Variants in PHF6 observed in about 807,000 individuals in gnomAD.
PHF6 encodes PHD-like zinc finger protein.
In PHF6, 7 loss-of-function variants were observed where a neutral mutation model predicts 34.0. The ratio of observed to expected loss-of-function variants is 0.21; its 90% confidence interval spans 0.12 to 0.39. The LOEUF is 0.39. Among genes scored for constraint, PHF6 ranks in the 10% least tolerant of loss-of-function variants. The probability of loss-of-function intolerance (pLI) is 1.00; values close to 1 mark genes in which losing one functional copy is unlikely to be tolerated. For missense variants in PHF6, 128 were observed against 262.8 expected (o/e 0.49, Z 3.55); for synonymous variants, 89 against 88.4 (o/e 1.01, Z -0.04).
chrX:134,374,948 T>A, intron 1 of PHF6, among the ~76,000 whole-genome samples: 1 of 112,124 alleles, frequency 8.9e-6, no homozygotes, highest in Non-Finnish European at 1.9e-5. Context: ...AGACTAAAAT[T>A]AAAATGCCAT....
intron 1 of PHF6, among the ~76,000 whole-genome samples, chrX:134,375,540 T>C (rs2077274866): frequency 8.9e-6 from 1 of 111,864 alleles, no homozygotes; most frequent in Non-Finnish European, 1.9e-5. Flanking sequence ...GCCAGCTTTA[T>C]AGCCAGTGCT....
At chrX:134,374,539 G>A (rs2077270530) in intron 1 of PHF6, among the ~76,000 whole-genome samples, 1 of 112,313 alleles carries the variant, frequency 8.9e-6, no homozygotes, top group Admixed American at 9.4e-5. Context: ...GTTTTGATTT[G>A]TATATTTCAG....
chrX:134,374,445 C>A (rs1009741228), intron 1 of PHF6, among the ~76,000 whole-genome samples: 1 of 112,016 alleles, frequency 8.9e-6, no homozygotes, highest in Non-Finnish European at 1.9e-5. Context: ...GGTGCCCTTC[C>A]GGTACATCTT....
At chrX:134,380,424 G>A (rs990975696) in intron 3 of PHF6, among the ~76,000 whole-genome samples, 1 of 111,088 alleles carries the variant, frequency 9.0e-6, no homozygotes, top group African/African-American at 3.3e-5. Context: ...GTGAGCCACC[G>A]CGCCCGGCCT....
intron 5 of PHF6, among the ~76,000 whole-genome samples, chrX:134,405,075 A>C (rs2077417313): frequency 9.0e-6 from 1 of 111,199 alleles, no homozygotes; most frequent in Non-Finnish European, 1.9e-5. Flanking sequence ...TTAAACTTCC[A>C]CCTGCTTTTA....
chrX:134,376,825 G>T (rs1393085617), intron 1 of PHF6, among the ~76,000 whole-genome samples: 1 of 111,592 alleles, frequency 9.0e-6, no homozygotes, highest in Non-Finnish European at 1.9e-5. Context: ...GAATAGAATA[G>T]CAAAAATTAA....
At chrX:134,401,596 T>A (rs2077402887) in intron 5 of PHF6, among the ~76,000 whole-genome samples, 1 of 111,897 alleles carries the variant, frequency 8.9e-6, no homozygotes, top group African/African-American at 3.3e-5. Context: ...AAAATATTAT[T>A]TTTAGAATCT....
intron 9 of PHF6, chrX:134,419,222 A>G (rs2077482711): frequency 9.0e-6 from 1 of 111,244 alleles, no homozygotes; most frequent in African/African-American, 3.3e-5. Flanking sequence ...CTGTATTCTA[A>G]GAATTGAAAG....
At chrX:134,398,726 A>G (rs1443253770) in intron 5 of PHF6, among the ~76,000 whole-genome samples, 1 of 111,864 alleles carries the variant, frequency 8.9e-6, no homozygotes, top group African/African-American at 3.3e-5. Context: ...CAAATGGGTG[A>G]CGGAGGGTGC....
At chrX:134,410,150 A>G (rs891541005) in intron 5 of PHF6, among the ~76,000 whole-genome samples, 1 of 111,724 alleles carries the variant, frequency 9.0e-6, no homozygotes, top group African/African-American at 3.3e-5. Flanking sequence ...TTTTGAATAT[A>G]TACCCAGTAA....
At chrX:134,400,142 A>G (rs757145716) in intron 5 of PHF6, among the ~76,000 whole-genome samples, 1 of 111,512 alleles carries the variant, frequency 9.0e-6, no homozygotes, top group African/African-American at 3.3e-5. Flanking sequence ...CCAGTGGCTC[A>G]ATCACGGCTT....
rs1407402386 is a variant in PHF6, at chrX:134,426,023, GA to G, written c.*366del. The stretch of plus-strand genomic sequence containing the variant: ...TTGTTTAGTGGATCCATACTCAAAG[GA>G]AAGCATAAGCAAATTTTCCTTTACA... On this transcript the variant is annotated 3_prime_UTR_variant, in exon 11 of 11. Transcript: ENST00000370803. 1.2e-5 allele frequency: 2 copies of G among 162,844 alleles called. No homozygotes were observed. The highest frequency in any genetic ancestry group is 6.0e-5 in the African/African-American group (2 of 33,470). The allele number at this position is 162,844 out of a possible 1,213,427, so 13.4% of individuals were successfully genotyped here. A position where few individuals can be genotyped will look rare whatever the true frequency, so the allele number is the denominator to read the frequency against.
chrX:134,421,381 TGGA>T (rs746880265), intron 9 of PHF6, among the ~76,000 whole-genome samples: 16 of 112,058 alleles, frequency 1.4e-4, no homozygotes, highest in Admixed American at 1.1e-3. Context: ...TGCATAAGGA[TGGA>T]GGAGAAGAGG....
At chrX:134,421,778 A>G (rs907333296) in intron 9 of PHF6, among the ~76,000 whole-genome samples, 9 of 106,854 alleles carry the variant, frequency 8.4e-5, no homozygotes, top group African/African-American at 3.1e-4. Context: ...TGCTCTGCCT[A>G]TGGGGTAGCC....
chrX:134,426,440 G>A lies in PHF6; in HGVS notation c.*780G>A, dbSNP rs1384253185. On this transcript the variant is annotated 3_prime_UTR_variant, in exon 11 of 11. Transcript: ENST00000370803. ...TAAAGAAAGGGTTACCGCTTGCTAA[G>A]GACTTCAGACACCATGTCCGAAACC... 6.2e-6 allele frequency: 1 copy of A among 160,750 alleles called. No homozygotes were observed. Among genetic ancestry groups the A allele is most frequent in the East Asian group, 9.2e-5 (1 of 10,885 alleles). The allele number at this position is 160,750 out of a possible 1,213,427, so 13.2% of individuals were successfully genotyped here.
chrX:134,412,681 AC>A (rs2077455900), intron 5 of PHF6, among the ~76,000 whole-genome samples: 1 of 111,941 alleles, frequency 8.9e-6, no homozygotes, highest in Non-Finnish European at 1.9e-5. Flanking sequence ...TTTATAGTAA[AC>A]TACTGATGAA....
intron 3 of PHF6, among the ~76,000 whole-genome samples, chrX:134,379,194 C>T (rs746821146): frequency 9.0e-6 from 1 of 110,547 alleles, no homozygotes; most frequent in East Asian, 2.9e-4. Context: ...TTCTATTAAT[C>T]GTTTTACATA....
At chrX:134,392,959 A>G (rs1202636667) in intron 3 of PHF6, among the ~76,000 whole-genome samples, 1 of 110,914 alleles carries the variant, frequency 9.0e-6, no homozygotes, top group African/African-American at 3.3e-5. Flanking sequence ...ACCACACCCC[A>G]GCTAATTTTT....
At chrX:134,399,639 C>G (rs1254974026) in intron 5 of PHF6, among the ~76,000 whole-genome samples, 1 of 106,874 alleles carries the variant, frequency 9.4e-6, no homozygotes, top group Non-Finnish European at 1.9e-5. Context: ...CTCCTGTTCC[C>G]CAACCCCTAA....
Sources: gnomAD v4.1 joint callset for allele counts (sites outside exome capture counted in the v4.1 genomes callset) on GRCh38, gnomAD v4.1.1 for gene constraint, MANE v1.5 for transcripts, NCBI Gene and HGNC (gene_info 2026-07-23, HGNC 2026-07-21) for gene names.